Variants in CLTC observed in about 807,000 individuals in gnomAD.
The protein encoded by CLTC is clathrin heavy chain.
CLTC carries 16 observed loss-of-function variants against 195.8 expected under a neutral mutation model. The ratio of observed to expected loss-of-function variants is 0.08; its 90% confidence interval spans 0.06 to 0.12. CLTC has a LOEUF of 0.12. Among genes scored for constraint, CLTC ranks in the 10% least tolerant of loss-of-function variants. The probability of loss-of-function intolerance (pLI) is 1.00; values close to 1 mark genes in which losing one functional copy is unlikely to be tolerated. For missense variants in CLTC, 796 were observed against 2,027.0 expected (o/e 0.39, Z 11.66); for synonymous variants, 667 against 689.4 (o/e 0.97, Z 0.51).
At position 59,685,598 on chromosome 17, in the gene CLTC, G is replaced by A. The variant is rs909366178; in HGVS notation, c.4617G>A (p.Gln1539=). The change falls in exon 30 of 32, where the codon CAG becomes CAA. Residue 1539 remains glutamine (Q), a synonymous_variant. Transcript: ENST00000269122. This position sits in a 1 kb window ranked among gnomAD's most constrained non-coding sequence, Gnocchi z 5.0. The part of the protein sequence containing the change: ...KKDSLYKDAM[Q]YASESKDTEL... ...ATTTCTTTGAATAGGATGCAATGCA[G>A]TATGCTTCTGAATCTAAAGATACTG... 5.6e-6 allele frequency: 9 copies of A among 1,613,674 alleles called. No individual in the cohort carries two copies. The highest frequency in any genetic ancestry group is 1.3e-5 in the African/African-American group (1 of 74,908).
chr17:59,683,883 G>C lies in CLTC; in HGVS notation c.4332G>C (p.Gln1444His). 4 of 1,613,414 alleles carry C rather than the reference G, an allele frequency of 2.5e-6. No homozygotes were observed. Among genetic ancestry groups the C allele is most frequent in the Non-Finnish European group, 3.4e-6 (4 of 1,179,442 alleles). Residue 1444 changes from glutamine to histidine, a missense_variant, in exon 28 of 32, where the codon CAG (glutamine) becomes CAC (histidine). By Grantham distance (24) the Gln-to-His change is conservative. Coordinates refer to ENST00000269122, the MANE Select transcript of CLTC (RefSeq NM_004859.4). This position sits in a 1 kb window ranked among gnomAD's most constrained non-coding sequence, Gnocchi z 6.1. ...RAVNYFSKVK[Q>H]LPLVKPYLRS... ...AACTCTTTATTTTAAAGGTTAAACAGCTACCACTGGTGAAACCGTATTTGC... is the reference window on the plus strand; with the variant it reads ...AACTCTTTATTTTAAAGGTTAAACACCTACCACTGGTGAAACCGTATTTGC...
intron 31 of CLTC, among the ~76,000 whole-genome samples, chr17:59,691,468 C>T (rs974787793): frequency 6.6e-6 from 1 of 151,740 alleles, no homozygotes; most frequent in African/African-American, 2.4e-5. Flanking sequence ...ACTAAAAATG[C>T]AAAAGATTAG....
chr17:59,677,879 C>A (rs577445033), intron 17 of CLTC, among the ~76,000 whole-genome samples: 1 of 152,230 alleles, frequency 6.6e-6, no homozygotes, highest in South Asian at 2.1e-4. Flanking sequence ...TTAAAGTGAA[C>A]AATTCAGTGG....
chr17:59,620,208 G>T (rs1404015339), intron 1 of CLTC, 35 bp downstream of exon 1: 1 of 1,611,816 alleles, frequency 6.2e-7, no homozygotes, highest in Admixed American at 1.7e-5. Flanking sequence ...GGGCTGTGGA[G>T]AAGGTGGTAG....
rs1473098807 is a variant in CLTC at position 59,696,536 on chromosome 17, T to TAACA, written c.*2686_*2689dup. On this transcript the variant is annotated 3_prime_UTR_variant, in exon 32 of 32. Coordinates refer to ENST00000269122, the MANE Select transcript of CLTC (RefSeq NM_004859.4). ...CCTAAAAGAAGGCTTAAATAGTTTC[T>TAACA]AACAAGATGACTATCAGGAAGCTAT... 4.7e-5 allele frequency: 8 copies of TAACA among 169,608 alleles called. No homozygotes were observed. Among genetic ancestry groups the TAACA allele is most frequent in the Middle Eastern group, 1.9e-3 (1 of 540 alleles). The allele number at this position is 169,608 out of a possible 1,614,324, so 10.5% of individuals were successfully genotyped here. A position where few individuals can be genotyped will look rare whatever the true frequency, so the allele number is the denominator to read the frequency against.
At chr17:59,679,883 A>G (rs2033046475) in intron 18 of CLTC, among the ~76,000 whole-genome samples, 1 of 152,066 alleles carries the variant, frequency 6.6e-6, no homozygotes, top group Admixed American at 6.6e-5. Flanking sequence ...AGCCTGGCCA[A>G]CGTAGTAAAA....
In CLTC at chr17:59,664,791, G is replaced by A; in HGVS notation, c.1526G>A (p.Gly509Glu). ...QKIVLYAKKV[G>E]YTPDWIFLLR... ...TAAGTCTTTGTTTGTTTATAGGTTG[G>A]ATACACTCCAGATTGGATATTTCTG... Residue 509 changes from glycine to glutamate, a missense_variant, in exon 10 of 32, where the codon GGA becomes GAA. This residue lies in a region of CLTC where 293 missense variants were observed against 795.6 expected (regional missense o/e 0.37). Coordinates refer to ENST00000269122, the MANE Select transcript of CLTC (RefSeq NM_004859.4). 6.2e-7 allele frequency: 1 copy of A among 1,613,754 alleles called. No homozygotes were observed. The highest frequency in any genetic ancestry group is 8.5e-7 in the Non-Finnish European group (1 of 1,179,804).
chr17:59,645,028 T>C (rs1378041936), intron 2 of CLTC, among the ~76,000 whole-genome samples: 1 of 152,252 alleles, frequency 6.6e-6, no homozygotes, highest in African/African-American at 2.4e-5. Context: ...CTTAGAATAA[T>C]TTTAAGTTTT....
chr17:59,648,981 A>G lies in CLTC; in HGVS notation c.681+580A>G, dbSNP rs955497647. On this transcript the variant is annotated intron_variant, in intron 4 of 31. Coordinates refer to ENST00000269122, the MANE Select transcript of CLTC (RefSeq NM_004859.4). The surrounding 1 kb of genome is among the most constrained non-coding windows in gnomAD (Gnocchi z 4.5). ...ATATAATCTGCATTTTAAATACCTT[A>G]TATGGCTTGATATAGAGGCAATGTA... Among the ~76,000 whole-genome samples, 3 of 152,168 alleles carry G rather than the reference A, an allele frequency of 2.0e-5. No homozygotes were observed. The highest frequency in any genetic ancestry group is 1.9e-4 in the East Asian group (1 of 5,200).
intron 1 of CLTC, among the ~76,000 whole-genome samples, chr17:59,638,721 A>T (rs1035501832): frequency 6.6e-6 from 1 of 152,180 alleles, no homozygotes; most frequent in Non-Finnish European, 1.5e-5. Context: ...CTGAAATGAC[A>T]GGAGGTAGAG....
rs1372738398 is a variant in CLTC, at chr17:59,696,231, G to A, written c.*2379G>A. 1.4e-5 allele frequency: 3 copies of A among 220,978 alleles called. No individual in the cohort carries two copies. The highest frequency in any genetic ancestry group is 2.7e-5 in the Non-Finnish European group (3 of 110,464). The allele number at this position is 220,978 out of a possible 1,614,324, so 13.7% of individuals were successfully genotyped here. A position where few individuals can be genotyped will look rare whatever the true frequency, so the allele number is the denominator to read the frequency against. On this transcript the variant is annotated 3_prime_UTR_variant, in exon 32 of 32. Coordinates refer to ENST00000269122, the MANE Select transcript of CLTC (RefSeq NM_004859.4). The stretch of plus-strand genomic sequence containing the variant: ...CTGTTTAGAAATAGTTGCTATTGTG[G>A]CATCATTCACAGTTGCAATTTTTCT...
chr17:59,662,451 G>A (rs1407059962), intron 8 of CLTC, among the ~76,000 whole-genome samples: 1 of 152,108 alleles, frequency 6.6e-6, no homozygotes, highest in Non-Finnish European at 1.5e-5. Context: ...AGTTTTAGCT[G>A]TCCATTAGTG....
At position 59,682,155 on chromosome 17, in the gene CLTC, A is replaced by G; in HGVS notation, c.3443-116A>G. The G allele has an allele frequency of 1.0e-6, 1 of 970,138 alleles. No individual in the cohort carries two copies. Among genetic ancestry groups the G allele is most frequent in the Non-Finnish European group, 1.5e-6 (1 of 651,548 alleles). 60.1% of individuals were successfully genotyped at this position (970,138 alleles called of 1,614,324 possible). On this transcript the variant is annotated intron_variant, in intron 21 of 31. Transcript: ENST00000269122. The surrounding 1 kb of genome is among the most constrained non-coding windows in gnomAD (Gnocchi z 6.8). The stretch of plus-strand genomic sequence containing the variant: ...AGAAGTGAAATATTGCACGGTTTAC[A>G]TTTGTCATTATCCATGTTTCCTTGA...
At chr17:59,652,731 A>C (rs2032358345) in intron 5 of CLTC, among the ~76,000 whole-genome samples, 1 of 152,232 alleles carries the variant, frequency 6.6e-6, no homozygotes, top group South Asian at 2.1e-4. Context: ...TAGCATAGGC[A>C]AAGTAGATTT....
In CLTC at chr17:59,685,409, A is replaced by G. The variant is rs573489926; in HGVS notation, c.4606-178A>G. Among the ~76,000 whole-genome samples the G allele has an allele frequency of 1.2e-4, 18 of 151,950 alleles. No homozygotes were observed. Among genetic ancestry groups the G allele is most frequent in the Admixed American group, 2.6e-4 (4 of 15,268 alleles). ...ATGTTAAGGTCAAACTTGTCTGGGG[A>G]AAAAAAAGCTTTTAGCTTATCTCTT... On this transcript the variant is annotated intron_variant, in intron 29 of 31. Coordinates refer to ENST00000269122, the MANE Select transcript of CLTC (RefSeq NM_004859.4). The surrounding 1 kb of genome is among the most constrained non-coding windows in gnomAD (Gnocchi z 5.0).
rs558258473 is a variant in CLTC at position 59,660,713 on chromosome 17, ATT to A, written c.1167+128_1167+129del. 1.6e-4 allele frequency: 152 copies of A among 922,464 alleles called. 1 individual carries two copies. The African/African-American group carries it at 2.4e-3, about 14-fold the overall frequency. The allele number at this position is 922,464 out of a possible 1,614,324, so 57.1% of individuals were successfully genotyped here. On this transcript the variant is annotated intron_variant, in intron 7 of 31. Coordinates refer to ENST00000269122, the MANE Select transcript of CLTC (RefSeq NM_004859.4). ...TGTTTTTAGATTACATTTGGGTTAC[ATT>A]TTCCTTTAGTAGAATTCCTTGTCAA...
chr17:59,686,387 C>T (rs577676341), intron 30 of CLTC, among the ~76,000 whole-genome samples: 1 of 152,086 alleles, frequency 6.6e-6, no homozygotes, highest in South Asian at 2.1e-4. Context: ...TTTACTCACC[C>T]TATCTTCAGC....
Position 59,660,315 on chromosome 17 carries a change from C to A in CLTC, c.970-76C>A. The A allele has an allele frequency of 2.3e-6, 3 of 1,282,014 alleles. No homozygotes were observed. The South Asian group carries it at 3.7e-5, about 16-fold the overall frequency. The allele number at this position is 1,282,014 out of a possible 1,614,324, so 79.4% of individuals were successfully genotyped here. A position where few individuals can be genotyped will look rare whatever the true frequency, so the allele number is the denominator to read the frequency against. On this transcript the variant is annotated intron_variant, in intron 6 of 31. Transcript: ENST00000269122. Reference sequence around the variant, plus strand: ...CATTACCTTTGTGACTCAGTATTAACCTGTTCTAAACAGATTTGGTATCAT... The same window carrying A: ...CATTACCTTTGTGACTCAGTATTAAACTGTTCTAAACAGATTTGGTATCAT...
intron 1 of CLTC, among the ~76,000 whole-genome samples, chr17:59,624,526 T>C (rs1254717585): frequency 7.0e-6 from 1 of 143,066 alleles, no homozygotes; most frequent in African/African-American, 2.7e-5. Flanking sequence ...TAGTGTGCAG[T>C]GGTGCGATCT....
Sources: allele counts gnomAD v4.1 joint callset (sites outside exome capture counted in the v4.1 genomes callset), GRCh38; gene constraint gnomAD v4.1.1; regional missense constraint gnomAD v4.1.1; non-coding constraint Gnocchi (gnomAD v3.1); transcripts MANE v1.5; gene names NCBI Gene and HGNC (gene_info 2026-07-23, HGNC 2026-07-21).